Variants in MYRIP observed in about 807,000 individuals in gnomAD.
MYRIP encodes the protein rab effector MyRIP.
In MYRIP, 49 loss-of-function variants were observed where a neutral mutation model predicts 98.0. That is an observed-to-expected ratio of 0.50 (90% CI 0.40 to 0.63). The LOEUF is 0.63. Among genes scored for constraint, MYRIP ranks in the 30% least tolerant of loss-of-function variants. MYRIP has a pLI of 0.00. For missense variants in MYRIP, 1,004 were observed against 1,058.2 expected, an observed-to-expected ratio of 0.95 and a Z score of 0.71; for synonymous variants, 404 against 409.5, an observed-to-expected ratio of 0.99 and a Z score of 0.16.
chr3:39,873,524 A>G (rs1227832130), intron 1 of MYRIP, among the ~76,000 whole-genome samples: 7 of 152,194 alleles, frequency 4.6e-5, no homozygotes, highest in Non-Finnish European at 8.8e-5. Context: ...TATAAGGTGT[A>G]AGGAAGGGAT....
chr3:40,063,703 T>C (rs1255337622), intron 3 of MYRIP, among the ~76,000 whole-genome samples: 1 of 152,216 alleles, frequency 6.6e-6, no homozygotes, highest in Non-Finnish European at 1.5e-5. Context: ...AATTTTGATC[T>C]CCTTGAAATT....
At chr3:39,956,615 A>C (rs1237893685) in intron 2 of MYRIP, among the ~76,000 whole-genome samples, 1 of 152,220 alleles carries the variant, frequency 6.6e-6, no homozygotes, top group Non-Finnish European at 1.5e-5. Context: ...CACAATTAAA[A>C]GAACTAGAGA....
chr3:40,171,659 T>C (rs923006835), intron 8 of MYRIP, among the ~76,000 whole-genome samples: 2 of 152,198 alleles, frequency 1.3e-5, no homozygotes, highest in Non-Finnish European at 2.9e-5. Context: ...TGACTAGATA[T>C]GAGACCTTGA....
At chr3:40,206,897 G>T (rs1417188286) in intron 10 of MYRIP, among the ~76,000 whole-genome samples, 2 of 152,166 alleles carry the variant, frequency 1.3e-5, no homozygotes, top group Admixed American at 1.3e-4. Flanking sequence ...TTTTAGCCTT[G>T]TAAATTAGTC....
At chr3:39,860,680 C>T (rs1056695588) in intron 1 of MYRIP, among the ~76,000 whole-genome samples, 1 of 152,126 alleles carries the variant, frequency 6.6e-6, no homozygotes, top group African/African-American at 2.4e-5. Flanking sequence ...CAAAGTGGCC[C>T]TTTCTGAATT....
intron 2 of MYRIP, among the ~76,000 whole-genome samples, chr3:39,907,867 G>C (rs764320428): frequency 6.6e-6 from 1 of 152,216 alleles, no homozygotes; most frequent in Non-Finnish European, 1.5e-5. Flanking sequence ...GGTAGTAGAA[G>C]ACACCTGCAG....
At chr3:40,225,343 C>T (rs1038482091) in intron 11 of MYRIP, among the ~76,000 whole-genome samples, 16 of 152,176 alleles carry the variant, frequency 1.1e-4, no homozygotes, top group Non-Finnish European at 5.9e-5. Flanking sequence ...TGGTCTTTGG[C>T]TTTCCAAATC....
chr3:39,972,701 A>C (rs1355352502), intron 2 of MYRIP, among the ~76,000 whole-genome samples: 2 of 152,054 alleles, frequency 1.3e-5, no homozygotes, highest in South Asian at 2.1e-4. Flanking sequence ...GCTCACACAG[A>C]TGGACTGGGA....
At chr3:40,106,241 C>G (rs913540773) in intron 3 of MYRIP, among the ~76,000 whole-genome samples, 6 of 152,118 alleles carry the variant, frequency 3.9e-5, no homozygotes, top group Non-Finnish European at 8.8e-5. Flanking sequence ...CGAGACCAGT[C>G]TCACCTACAT....
rs575518430 is a variant in MYRIP at position 40,209,612 on chromosome 3, GA to G, written c.1666-231del. On this transcript the variant is annotated intron_variant, in intron 10 of 16. Coordinates refer to ENST00000302541, the MANE Select transcript of MYRIP (RefSeq NM_015460.4). ...GGAGCTCAGAGAGTAGTCTGTGAAT[GA>G]AAAAAAAAAAGAATTCAAACACTTT... Among the ~76,000 whole-genome samples, 990 of 140,074 alleles carry G rather than the reference GA, an allele frequency of 7.1e-3. 11 individuals are homozygous for G. Among genetic ancestry groups the G allele is most frequent in the African/African-American group, 0.023 (887 of 38,314 alleles). 91.9% of individuals were successfully genotyped at this position (140,074 alleles called of 152,430 possible).
chr3:40,086,893 C>T (rs1216465011), intron 3 of MYRIP, among the ~76,000 whole-genome samples: 1 of 151,874 alleles, frequency 6.6e-6, no homozygotes. Flanking sequence ...AAGCGGTTCT[C>T]GGGGTGGGCA....
chr3:40,011,889 T>TA (rs1230693470), intron 2 of MYRIP, among the ~76,000 whole-genome samples: 6 of 152,152 alleles, frequency 3.9e-5, no homozygotes, highest in African/African-American at 1.2e-4. Context: ...GGAATCCATT[T>TA]AAAAAAATCT....
chr3:40,183,647 T>G (rs569374541), intron 9 of MYRIP, among the ~76,000 whole-genome samples: 273 of 152,352 alleles, frequency 1.8e-3, no homozygotes, highest in Non-Finnish European at 3.3e-3. Flanking sequence ...TGCACAGGTC[T>G]ACTCCTCTCT....
At chr3:40,143,870 A>G (rs1949960122) in intron 3 of MYRIP, among the ~76,000 whole-genome samples, 1 of 152,170 alleles carries the variant, frequency 6.6e-6, no homozygotes, top group South Asian at 2.1e-4. Context: ...TTCCCCACGG[A>G]TTTGCTGTAG....
chr3:40,224,046 G>A (rs1952417813), intron 11 of MYRIP, among the ~76,000 whole-genome samples: 1 of 152,154 alleles, frequency 6.6e-6, no homozygotes, highest in African/African-American at 2.4e-5. Context: ...ACCTTGACAA[G>A]TCCAAGGGAC....
rs116121514 is a variant in MYRIP, at chr3:39,944,201, A to C, written c.110+43275A>C. Among the ~76,000 whole-genome samples the C allele has an allele frequency of 3.4e-3, 519 of 152,302 alleles. 2 individuals carry two copies. The highest frequency in any genetic ancestry group is 0.011 in the African/African-American group (460 of 41,580). ...AAAATTACAAGTGTTTGTAGCCTATAACCTTGCAATTTCATCCCCAGGAAT... is the reference window on the plus strand; with the variant it reads ...AAAATTACAAGTGTTTGTAGCCTATCACCTTGCAATTTCATCCCCAGGAAT... On this transcript the variant is annotated intron_variant, in intron 2 of 16. Coordinates refer to ENST00000302541, the MANE Select transcript of MYRIP (RefSeq NM_015460.4).
In MYRIP at chr3:39,992,559, C is replaced by A. The variant is rs147416463; in HGVS notation, c.111-51491C>A. Among the ~76,000 whole-genome samples, 3 of 152,298 alleles carry A rather than the reference C, an allele frequency of 2.0e-5. No individual in the cohort carries two copies. In the East Asian group the frequency reaches 5.8e-4, roughly 29 times the overall value. Reference sequence around the variant, plus strand: ...AGTGCTTGCCATCTGAATGTACTACCGACCATGATCCTTGTTCTAGCCATC... The same window carrying A: ...AGTGCTTGCCATCTGAATGTACTACAGACCATGATCCTTGTTCTAGCCATC... On this transcript the variant is annotated intron_variant, in intron 2 of 16. Coordinates refer to ENST00000302541, the MANE Select transcript of MYRIP (RefSeq NM_015460.4).
intron 2 of MYRIP, 131 bp from the exon 3 acceptor site, chr3:40,043,919 T>C (rs1345018756): frequency 4.3e-6 from 3 of 696,114 alleles, no homozygotes; most frequent in East Asian, 5.4e-5. Flanking sequence ...CTGAGTTCTC[T>C]TGTTCTCCAG....
At chr3:40,218,566 CACACATACACATTT>C in intron 11 of MYRIP, among the ~76,000 whole-genome samples, 1 of 80,374 alleles carries the variant, frequency 1.2e-5, no homozygotes, top group Non-Finnish European at 2.4e-5. Flanking sequence ...AATATACATA[CACACATACACATTT>C]ACACACACAC....
Sources: gnomAD v4.1 joint callset for allele counts (sites outside exome capture counted in the v4.1 genomes callset) on GRCh38, gnomAD v4.1.1 for gene constraint, MANE v1.5 for transcripts, NCBI Gene and HGNC (gene_info 2026-07-23, HGNC 2026-07-21) for gene names.